The following PPP3CA variants were observed in gnomAD, a reference collection of about 807,000 sequenced individuals.
PPP3CA encodes the protein protein phosphatase 3 catalytic subunit alpha, also known as CAM-PRP catalytic subunit.
Under a neutral mutation model 66.5 loss-of-function variants are expected in PPP3CA, and 14 were observed. That is an observed-to-expected ratio of 0.21 (90% CI 0.14 to 0.33). The LOEUF (loss-of-function observed/expected upper bound fraction) is 0.33, where lower values mean the gene tolerates loss of function less well. PPP3CA is among the 10% of genes least tolerant of loss of function. PPP3CA has a pLI of 1.00. For synonymous variants in PPP3CA, 232 were observed against 226.2 expected, an observed-to-expected ratio of 1.03 and a Z score of -0.23; for missense variants, 317 against 639.5, an observed-to-expected ratio of 0.50 and a Z score of 5.44.
chr4:101,120,916 G>A (rs893092978), intron 2 of PPP3CA, among the ~76,000 whole-genome samples: 4 of 151,590 alleles, frequency 2.6e-5, no homozygotes, highest in African/African-American at 7.3e-5. Context: ...AACATGAATC[G>A]GGTCTTAAGT....
At chr4:101,095,352 A>G (rs929789505) in intron 5 of PPP3CA, among the ~76,000 whole-genome samples, 2 of 152,172 alleles carry the variant, frequency 1.3e-5, no homozygotes, top group African/African-American at 4.8e-5. Flanking sequence ...AGAATATAAC[A>G]TTTATTCTGG....
intron 1 of PPP3CA, among the ~76,000 whole-genome samples, chr4:101,334,291 C>T (rs1391558550): frequency 2.0e-5 from 3 of 152,070 alleles, no homozygotes; most frequent in East Asian, 3.9e-4. Context: ...CATGACACCA[C>T]GCACAGCTAA....
intron 1 of PPP3CA, among the ~76,000 whole-genome samples, chr4:101,276,385 AT>A (rs1412614299): frequency 2.0e-5 from 3 of 152,228 alleles, no homozygotes; most frequent in Non-Finnish European, 4.4e-5. Flanking sequence ...AAGCATAGGT[AT>A]CAACTTTTTA....
At chr4:101,043,936 A>G (rs1240951402) in intron 10 of PPP3CA, among the ~76,000 whole-genome samples, 1 of 152,234 alleles carries the variant, frequency 6.6e-6, no homozygotes, top group African/African-American at 2.4e-5. Context: ...TATAAAACTG[A>G]AATATATTTA....
chr4:101,229,727 T>C (rs1169689916), intron 1 of PPP3CA, among the ~76,000 whole-genome samples: 2 of 151,636 alleles, frequency 1.3e-5, no homozygotes. Context: ...TTCCCTTCTG[T>C]ACTGTACATA....
chr4:101,301,986 C>T (rs750756065), intron 1 of PPP3CA, among the ~76,000 whole-genome samples: 4 of 151,216 alleles, frequency 2.6e-5, no homozygotes, highest in African/African-American at 2.4e-5. Context: ...AAATTTGTTT[C>T]GAAGAAAAAA....
chr4:101,215,040 C>A (rs1725414412), intron 1 of PPP3CA, among the ~76,000 whole-genome samples: 1 of 151,998 alleles, frequency 6.6e-6, no homozygotes, highest in African/African-American at 2.4e-5. Context: ...CAATGTACCT[C>A]TTTGTTAAGA....
chr4:101,087,745 G>A (rs1729733343), intron 6 of PPP3CA, among the ~76,000 whole-genome samples: 2 of 152,060 alleles, frequency 1.3e-5, no homozygotes, highest in Admixed American at 6.6e-5. Context: ...TTTCTTGGCT[G>A]TTATGATTAA....
At chr4:101,108,856 T>A in intron 3 of PPP3CA, 98 bp downstream of exon 3, 14 of 1,174,824 alleles carry the variant, frequency 1.2e-5, no homozygotes, top group Non-Finnish European at 1.7e-5. Flanking sequence ...ATTTCATTGT[T>A]AGAGGTTTCC....
intron 2 of PPP3CA, among the ~76,000 whole-genome samples, chr4:101,175,629 T>C (rs925277692): frequency 6.6e-6 from 1 of 152,228 alleles, no homozygotes; most frequent in African/African-American, 2.4e-5. Flanking sequence ...TGCATATTAA[T>C]TCTTTGTAAT....
chr4:101,271,836 G>C (rs1286487689), intron 1 of PPP3CA, among the ~76,000 whole-genome samples: 1 of 152,152 alleles, frequency 6.6e-6, no homozygotes, highest in African/African-American at 2.4e-5. Flanking sequence ...GTGGTGGACA[G>C]AATTAACGAC....
At chr4:101,233,252 C>T (rs1726021668) in intron 1 of PPP3CA, among the ~76,000 whole-genome samples, 1 of 151,706 alleles carries the variant, frequency 6.6e-6, no homozygotes, top group African/African-American at 2.4e-5. Context: ...AGTGGCCAAC[C>T]ATCCTACTTT....
chr4:101,298,508 G>A (rs896291618), intron 1 of PPP3CA, among the ~76,000 whole-genome samples: 39 of 151,958 alleles, frequency 2.6e-4, no homozygotes, highest in African/African-American at 8.5e-4. Context: ...ACAGCAAGAC[G>A]AATCTCTCCT....
intron 7 of PPP3CA, 81 bp from the exon 8 acceptor site, chr4:101,080,707 T>G: frequency 1.2e-6 from 1 of 809,176 alleles, no homozygotes. Context: ...AATAGAAAAT[T>G]AGATGAGTCA....
At chr4:101,172,280 C>A (rs1723909767) in intron 2 of PPP3CA, among the ~76,000 whole-genome samples, 2 of 152,118 alleles carry the variant, frequency 1.3e-5, no homozygotes, top group Admixed American at 6.6e-5. Flanking sequence ...CCATTTCTGA[C>A]ACTTCTATCT....
At chr4:101,206,657 A>G (rs1406256245) in intron 1 of PPP3CA, among the ~76,000 whole-genome samples, 1 of 152,214 alleles carries the variant, frequency 6.6e-6, no homozygotes, top group Non-Finnish European at 1.5e-5. Context: ...AAGGATTAAC[A>G]ATCAAGTCCC....
chr4:101,104,053 A>C (rs980484759), intron 3 of PPP3CA, among the ~76,000 whole-genome samples: 1 of 152,226 alleles, frequency 6.6e-6, no homozygotes, highest in Non-Finnish European at 1.5e-5. Flanking sequence ...GGTAATGCAT[A>C]AAATGAGCTC....
chr4:101,335,583 C>A (rs1729603358), intron 1 of PPP3CA, among the ~76,000 whole-genome samples: 1 of 152,118 alleles, frequency 6.6e-6, no homozygotes, highest in Admixed American at 6.6e-5. Context: ...AGGCGTTTGA[C>A]AACTTGAAAC....
At chr4:101,273,701 A>AC (rs1727403936) in intron 1 of PPP3CA, among the ~76,000 whole-genome samples, 3 of 152,196 alleles carry the variant, frequency 2.0e-5, no homozygotes, top group Admixed American at 1.3e-4. Context: ...TTATCTCTCC[A>AC]CTTTTCAAAA....
Sources: gnomAD v4.1 joint callset for allele counts (sites outside exome capture counted in the v4.1 genomes callset) on GRCh38, gnomAD v4.1.1 for gene constraint, MANE v1.5 for transcripts, NCBI Gene and HGNC (gene_info 2026-07-23, HGNC 2026-07-21) for gene names.